Variants in AGAP4 observed in about 807,000 individuals in gnomAD.
The protein encoded by AGAP4 is arf-GAP with GTPase, ANK repeat and PH domain-containing protein 4.
In AGAP4, 13 loss-of-function variants were observed where a neutral mutation model predicts 60.7. The ratio of observed to expected loss-of-function variants is 0.21; its 90% CI spans 0.14 to 0.34. AGAP4 has a LOEUF of 0.34. Ranked by LOEUF, AGAP4 falls within the 10% of genes least tolerant of loss-of-function variation. AGAP4 has a pLI of 1.00. For missense variants in AGAP4, 169 were observed against 884.0 expected (o/e 0.19, Z 10.26); for synonymous variants, 70 against 339.0 (o/e 0.21, Z 8.72).
At chr10:45,841,793 T>C in intron 3 of AGAP4, 106 bp from the exon 4 acceptor site, 1 of 1,180,112 alleles carries the variant, frequency 8.5e-7, no homozygotes, top group Non-Finnish European at 1.1e-6. Context: ...GAGACAAAAT[T>C]CCATTAAAAA....
intron 6 of AGAP4, among the ~76,000 whole-genome samples, chr10:45,830,004 C>T (rs1428093629): frequency 6.9e-6 from 1 of 144,996 alleles, no homozygotes; most frequent in Non-Finnish European, 1.5e-5. Context: ...TCAATGAGTA[C>T]TGATGGAATA....
chr10:45,852,514 A>C (rs1287898763), intron 1 of AGAP4, among the ~76,000 whole-genome samples: 14 of 151,514 alleles, frequency 9.2e-5, no homozygotes, highest in Non-Finnish European at 1.6e-4. Context: ...AATTATATGC[A>C]GTTGCAAAAT....
chr10:45,852,525 G>C (rs1360675987), intron 1 of AGAP4, among the ~76,000 whole-genome samples: 1 of 151,462 alleles, frequency 6.6e-6, no homozygotes, highest in Non-Finnish European at 1.5e-5. Flanking sequence ...GTTGCAAAAT[G>C]TGTGACTATT....
At chr10:45,850,008 C>G (rs1442075851), upstream of AGAP4, among the ~76,000 whole-genome samples, 1 of 151,400 alleles carries the variant, frequency 6.6e-6, no homozygotes, top group African/African-American at 2.4e-5. Context: ...ACTGCAACCT[C>G]CACCTCCTGG....
chr10:45,845,643 C>A (rs61857380), intron 2 of AGAP4, among the ~76,000 whole-genome samples: 17 of 110,106 alleles, frequency 1.5e-4, no homozygotes, highest in Non-Finnish European at 1.8e-4. Context: ...CGCTCTGTCA[C>A]CCAGGCTGGA....
intron 4 of AGAP4, among the ~76,000 whole-genome samples, chr10:45,838,640 T>G (rs1220041629): frequency 6.6e-6 from 1 of 150,630 alleles, no homozygotes. Flanking sequence ...GGTGCAATTA[T>G]AGTTAACTGC....
chr10:45,839,987 T>A (rs1281942436), intron 4 of AGAP4, among the ~76,000 whole-genome samples: 3 of 150,496 alleles, frequency 2.0e-5, no homozygotes, highest in African/African-American at 7.4e-5. Context: ...CGTACTGGTC[T>A]AAGCAGCCTA....
chr10:45,844,520 G>A, intron 2 of AGAP4, 126 bp from the exon 3 acceptor site: 2 of 1,485,060 alleles, frequency 1.3e-6, no homozygotes, highest in Non-Finnish European at 1.8e-6. Context: ...CCATTGAAAT[G>A]AATGTATAGA....
chr10:45,849,855 G>A (rs1479851223), upstream of AGAP4, among the ~76,000 whole-genome samples: 350 of 151,358 alleles, frequency 2.3e-3, 1 homozygote, highest in Middle Eastern at 0.017. Context: ...GGTCAGGCCC[G>A]CCTCAGCCTC....
At chr10:45,851,738 A>G (rs1352149627), upstream of AGAP4, among the ~76,000 whole-genome samples, 3 of 151,676 alleles carry the variant, frequency 2.0e-5, no homozygotes, top group East Asian at 5.8e-4. Context: ...GAAGAGAAGG[A>G]AGAACTAATG....
In AGAP4 at chr10:45,825,613, T is replaced by C; in HGVS notation, c.*302A>G. On this transcript the variant is annotated 3_prime_UTR_variant, in exon 8 of 8. Coordinates refer to ENST00000616763, the MANE Select transcript of AGAP4 (RefSeq NM_001276343.3). ...CATGTGTACAAAAATCAATGCATAT[T>C]TATGAACTTTATTTCAAATATATTT... 2 of 465,904 alleles carry C rather than the reference T, an allele frequency of 4.3e-6. No homozygotes were observed. Among genetic ancestry groups the C allele is most frequent in the Non-Finnish European group, 7.8e-6 (2 of 256,610 alleles). The allele number at this position is 465,904 out of a possible 1,614,324, so 28.9% of individuals were successfully genotyped here.
At chr10:45,853,959 G>A, upstream of AGAP4, 6 of 1,136,440 alleles carry the variant, frequency 5.3e-6, no homozygotes, top group South Asian at 7.2e-5. Context: ...CTCTGGGGAT[G>A]GGGGGACAAC....
chr10:45,829,228 C>G (rs1288947633), intron 6 of AGAP4, among the ~76,000 whole-genome samples: 1 of 115,760 alleles, frequency 8.6e-6, no homozygotes, highest in Admixed American at 9.1e-5. Flanking sequence ...AAAACATAGC[C>G]TGAATTTCTT....
intron 6 of AGAP4, among the ~76,000 whole-genome samples, chr10:45,830,788 T>G (rs1481646279): frequency 7.9e-6 from 1 of 127,090 alleles, no homozygotes; most frequent in African/African-American, 3.0e-5. Flanking sequence ...CCCAACCTCT[T>G]ATTGCTGCTT....
At position 45,826,941 on chromosome 10, in the gene AGAP4, T is replaced by TG; in HGVS notation, c.1034dup (p.Ser346IlefsTer14). The stretch of plus-strand genomic sequence containing the variant: ...GTGTGCAGGCCGATGTGGCTAGGGA[T>TG]GGCCACTTTCCTGGGACTTTGATGG... On this transcript the variant is annotated frameshift_variant, in exon 8 of 8. Coordinates refer to ENST00000616763, the MANE Select transcript of AGAP4 (RefSeq NM_001276343.3). LOFTEE classifies it high-confidence loss of function. 3 of 1,389,398 alleles carry TG rather than the reference T, an allele frequency of 2.2e-6. 1 individual carries two copies. The highest frequency in any genetic ancestry group is 3.0e-6 in the Non-Finnish European group (3 of 1,010,810). The allele number at this position is 1,389,398 out of a possible 1,614,324, so 86.1% of individuals were successfully genotyped here. A position where few individuals can be genotyped will look rare whatever the true frequency, so the allele number is the denominator to read the frequency against.
intron 4 of AGAP4, among the ~76,000 whole-genome samples, chr10:45,834,820 C>G (rs1385187054): frequency 6.9e-6 from 1 of 145,480 alleles, no homozygotes; most frequent in East Asian, 2.0e-4. Flanking sequence ...GTCGCCCAGA[C>G]TGGAGTGCAG....
At chr10:45,830,800 A>G (rs4042179) in intron 6 of AGAP4, among the ~76,000 whole-genome samples, 2 of 126,908 alleles carry the variant, frequency 1.6e-5, no homozygotes, top group Non-Finnish European at 3.4e-5. Context: ...TTGCTGCTTT[A>G]AAGCAAATTG....
At chr10:45,837,338 C>G (rs2058837052) in intron 4 of AGAP4, among the ~76,000 whole-genome samples, 2 of 150,972 alleles carry the variant, frequency 1.3e-5, no homozygotes, top group South Asian at 4.2e-4. Flanking sequence ...CAAAATACCA[C>G]CATCCTTCTT....
chr10:45,831,461 T>C, intron 5 of AGAP4, 32 bp from the exon 6 acceptor site: 1 of 1,586,524 alleles, frequency 6.3e-7, no homozygotes, highest in Non-Finnish European at 8.5e-7. Context: ...TAACAATAGA[T>C]GTTAACATTT....
Sources: gnomAD v4.1 joint callset for allele counts (sites outside exome capture counted in the v4.1 genomes callset) on GRCh38, gnomAD v4.1.1 for gene constraint, MANE v1.5 for transcripts, NCBI Gene and HGNC (gene_info 2026-07-23, HGNC 2026-07-21) for gene names.